Variants in MLLT1 observed in about 807,000 individuals in gnomAD.
MLLT1 encodes the protein MLLT1 super elongation complex subunit.
A neutral mutation model predicts 55.1 loss-of-function variants in MLLT1; 11 were observed. The observed-to-expected ratio is 0.20, with a 90% CI of 0.13 to 0.33. MLLT1 has a LOEUF of 0.33. MLLT1 is among the 10% of genes least tolerant of loss of function. The pLI is 1.00. For synonymous variants in MLLT1, 323 were observed against 320.1 expected (o/e 1.01, Z -0.10); for missense variants, 536 against 760.6 (o/e 0.70, Z 3.47).
chr19:6,257,741 T>C (rs543518647), intron 3 of MLLT1, among the ~76,000 whole-genome samples: 4 of 150,610 alleles, frequency 2.7e-5, no homozygotes, highest in East Asian at 4.0e-4. Context: ...GCAGAGGTTG[T>C]AGTGAGCCGA....
intron 3 of MLLT1, among the ~76,000 whole-genome samples, chr19:6,239,897 C>T (rs1016788643): frequency 2.7e-4 from 41 of 152,090 alleles, no homozygotes; most frequent in African/African-American, 9.2e-4. Flanking sequence ...TTGTAATCTG[C>T]ATATATCACC....
chr19:6,267,092 C>T lies in MLLT1; in HGVS notation c.193+3487G>A, dbSNP rs140136756. Among the ~76,000 whole-genome samples, 199 of 152,142 alleles carry T rather than the reference C, an allele frequency of 1.3e-3. 4 individuals are homozygous for T. The Middle Eastern group carries it at 0.017, about 13-fold the overall frequency. ...TTCAGTCTGGGCAACACAGCGACAC[C>T]CCCATCTCTAAAAGAATTTTTTTTT... On this transcript the variant is annotated intron_variant, in intron 2 of 11. Coordinates refer to ENST00000252674, the MANE Select transcript of MLLT1 (RefSeq NM_005934.4).
At chr19:6,213,194 T>A in intron 11 of MLLT1, 24 bp from the exon 12 acceptor site, 1 of 1,613,646 alleles carries the variant, frequency 6.2e-7, no homozygotes, top group Non-Finnish European at 8.5e-7. Context: ...GCAGGTGGCT[T>A]CAGGGGCAGG....
At chr19:6,278,136 C>T (rs947319546) in intron 1 of MLLT1, among the ~76,000 whole-genome samples, 6 of 152,192 alleles carry the variant, frequency 3.9e-5, no homozygotes, top group Admixed American at 1.3e-4. Context: ...CAGCCAGGGA[C>T]GCCCCAACCT....
At position 6,222,842 on chromosome 19, in the gene MLLT1, G is replaced by A. The variant is rs78473740; in HGVS notation, c.547-158C>T. ...CATAAAGCAAAAAGGTAAGGCAGTA[G>A]GTGAGAGTTTTACATGGAGCTGTCC... is the stretch of plus-strand genomic sequence containing the variant. On this transcript the variant is annotated intron_variant, in intron 5 of 11. Transcript: ENST00000252674. This position sits in a 1 kb window ranked among gnomAD's most constrained non-coding sequence, Gnocchi z 4.1. Among the ~76,000 whole-genome samples, 7,171 of 152,282 alleles carry A rather than the reference G, an allele frequency of 0.047. 579 individuals are homozygous for A. The highest frequency in any genetic ancestry group is 0.16 in the African/African-American group (6,799 of 41,536).
intron 2 of MLLT1, among the ~76,000 whole-genome samples, chr19:6,268,838 C>T (rs2091370221): frequency 6.6e-6 from 1 of 152,158 alleles, no homozygotes; most frequent in South Asian, 2.1e-4. Flanking sequence ...AAACAAAAAA[C>T]AAAACAAAAC....
At chr19:6,255,854 C>T (rs867275253) in intron 3 of MLLT1, among the ~76,000 whole-genome samples, 1 of 152,192 alleles carries the variant, frequency 6.6e-6, no homozygotes, top group Non-Finnish European at 1.5e-5. Flanking sequence ...AGGCTGGGCG[C>T]GCTGACTCAC....
At position 6,258,503 on chromosome 19, in the gene MLLT1, G is replaced by A. The variant is rs112011956; in HGVS notation, c.276+3725C>T. On this transcript the variant is annotated intron_variant, in intron 3 of 11. Transcript: ENST00000252674. ...GGAAAAACTTCTTCACAACACACAT[G>A]TATTACTTTGCAATCAGATGAGGCC... Among the ~76,000 whole-genome samples the A allele has an allele frequency of 2.6e-3, 400 of 152,306 alleles. 1 individual carries two copies. Among genetic ancestry groups the A allele is most frequent in the African/African-American group, 9.2e-3 (381 of 41,566 alleles).
chr19:6,228,561 C>G (rs2090975744), intron 4 of MLLT1, among the ~76,000 whole-genome samples: 1 of 152,190 alleles, frequency 6.6e-6, no homozygotes, highest in East Asian at 1.9e-4. Flanking sequence ...TACCCTCTCT[C>G]CCATTACCGA....
chr19:6,220,102 G>A (rs35357747), intron 6 of MLLT1, among the ~76,000 whole-genome samples: 3 of 152,326 alleles, frequency 2.0e-5, no homozygotes, highest in South Asian at 4.1e-4. Context: ...TCGGGGACTC[G>A]GCCCAAAGAG....
intron 3 of MLLT1, among the ~76,000 whole-genome samples, chr19:6,241,869 C>T (rs2144900199): frequency 6.6e-6 from 1 of 152,360 alleles, no homozygotes; most frequent in Non-Finnish European, 1.5e-5. Flanking sequence ...GGCTTCTGTT[C>T]TGGCTCCCTC....
At position 6,222,136 on chromosome 19, in the gene MLLT1, G is replaced by T. The variant is rs1167462224; in HGVS notation, c.1095C>A (p.Ala365=). The change falls in exon 6 of 12, where the codon GCC becomes GCA. Residue 365 remains alanine, a synonymous_variant. Transcript: ENST00000252674. This position sits in a 1 kb window ranked among gnomAD's most constrained non-coding sequence, Gnocchi z 4.1. ...ACTCACTCACCTCGGACTTGAAGGA[G>T]GCCTCGTCCTCTGAGTTGGACTCCT... ...EVEESNSEDE[A]SFKSESAQSS... 1.3e-6 allele frequency: 2 copies of T among 1,524,770 alleles called. No homozygotes were observed. The highest frequency in any genetic ancestry group is 1.8e-6 in the Non-Finnish European group (2 of 1,133,634). 94.5% of individuals were successfully genotyped at this position (1,524,770 alleles called of 1,614,324 possible).
intron 5 of MLLT1, among the ~76,000 whole-genome samples, chr19:6,224,550 C>T (rs2144864736): frequency 6.6e-6 from 1 of 152,296 alleles, no homozygotes; most frequent in East Asian, 1.9e-4. Context: ...TGAGAGCAAA[C>T]TCCAAAGGCA....
Position 6,273,680 on chromosome 19 carries a change from G to A in MLLT1, c.13-2921C>T, listed in dbSNP as rs2091411488. The stretch of plus-strand genomic sequence containing the variant: ...GAAGGCAACCCCTGTCCCGCTGGGA[G>A]CATTACAGGTGAAAACTAAATGTAC... On this transcript the variant is annotated intron_variant, in intron 1 of 11. Coordinates refer to ENST00000252674, the MANE Select transcript of MLLT1 (RefSeq NM_005934.4). This position sits in a 1 kb window ranked among gnomAD's most constrained non-coding sequence, Gnocchi z 4.3. Among the ~76,000 whole-genome samples, 1 of 152,202 alleles carries A rather than the reference G, an allele frequency of 6.6e-6. No individual in the cohort carries two copies. The highest frequency in any genetic ancestry group is 2.4e-5 in the African/African-American group (1 of 41,448).
chr19:6,270,965 C>T lies in MLLT1; in HGVS notation c.13-206G>A, dbSNP rs2091391063. Among the ~76,000 whole-genome samples the T allele has an allele frequency of 6.6e-6, 1 of 152,154 alleles. No homozygotes were observed. The highest frequency in any genetic ancestry group is 2.1e-4 in the South Asian group (1 of 4,830). On this transcript the variant is annotated intron_variant, in intron 1 of 11. Coordinates refer to ENST00000252674, the MANE Select transcript of MLLT1 (RefSeq NM_005934.4). This position sits in a 1 kb window ranked among gnomAD's most constrained non-coding sequence, Gnocchi z 7.1. Reference sequence around the variant, plus strand: ...TCTCCCCTCCGTACTCCCACACAGACCCCGTGTCTCCTCTCATCCACCGCC... The same window carrying T: ...TCTCCCCTCCGTACTCCCACACAGATCCCGTGTCTCCTCTCATCCACCGCC...
At position 6,273,126 on chromosome 19, in the gene MLLT1, G is replaced by A. The variant is rs7246943; in HGVS notation, c.13-2367C>T. ...CCGGAGACAAAAGAAATAACCCGTC[G>A]TCATAAGTGGCTGACAGATATGGGA... On this transcript the variant is annotated intron_variant, in intron 1 of 11. Transcript: ENST00000252674. The surrounding 1 kb of genome is among the most constrained non-coding windows in gnomAD (Gnocchi z 4.3). 0.28 allele frequency among the ~76,000 whole-genome samples: 41,829 copies of A among 151,722 alleles called. 6,925 individuals are homozygous for A. The highest frequency in any genetic ancestry group is 0.46 in the African/African-American group (18,891 of 41,270).
chr19:6,254,720 G>C (rs1468893848), intron 3 of MLLT1, among the ~76,000 whole-genome samples: 2 of 152,076 alleles, frequency 1.3e-5, no homozygotes, highest in Non-Finnish European at 2.9e-5. Context: ...CCTGATAAAG[G>C]GCATTTACAG....
intron 3 of MLLT1, among the ~76,000 whole-genome samples, chr19:6,245,257 CT>C (rs71172798): frequency 0.29 from 38,368 of 133,376 alleles, 5,732 homozygotes; most frequent in African/African-American, 0.43. Flanking sequence ...TTCTTTCTTT[CT>C]TTTTTTTTTT....
At chr19:6,245,038 A>G (rs2091154054) in intron 3 of MLLT1, among the ~76,000 whole-genome samples, 1 of 152,128 alleles carries the variant, frequency 6.6e-6, no homozygotes, top group South Asian at 2.1e-4. Flanking sequence ...GCAGTTACTC[A>G]AAAAGTTAAA....
Sources: gnomAD v4.1 joint callset for allele counts (sites outside exome capture counted in the v4.1 genomes callset) on GRCh38, gnomAD v4.1.1 for gene constraint, Gnocchi (gnomAD v3.1) non-coding constraint, MANE v1.5 for transcripts, NCBI Gene and HGNC (gene_info 2026-07-23, HGNC 2026-07-21) for gene names.